GRIP2: variants seen among roughly 807,000 people sequenced by gnomAD.
GRIP2 encodes the protein glutamate receptor interacting protein 2.
GRIP2 carries 58 observed loss-of-function variants against 108.3 expected under a neutral mutation model. That is an observed-to-expected ratio of 0.54 (90% CI 0.43 to 0.67). GRIP2 has a LOEUF of 0.67. Ranked by LOEUF, GRIP2 falls within the 30% of genes least tolerant of loss-of-function variation. GRIP2 has a pLI of 0.00. For synonymous variants in GRIP2, 586 were observed against 598.2 expected (o/e 0.98, Z 0.30); for missense variants, 1,278 against 1,430.6 (o/e 0.89, Z 1.72).
Position 14,522,101 on chromosome 3 carries a change from C to T in GRIP2, c.567-314G>A, listed in dbSNP as rs551266680. 1.9e-5 allele frequency: 6 copies of T among 309,890 alleles called. No individual in the cohort carries two copies. In the Admixed American group the frequency reaches 3.1e-4, roughly 16 times the overall value. The allele number at this position is 309,890 out of a possible 1,614,324, so 19.2% of individuals were successfully genotyped here. A position where few individuals can be genotyped will look rare whatever the true frequency, so the allele number is the denominator to read the frequency against. ...AAATGTCTGAGCTGGGGGTGCTCTT[C>T]AAGCGTCACCCCCAACTCCTGCCTC... On this transcript the variant is annotated intron_variant, in intron 6 of 23. Coordinates refer to ENST00000621039, the MANE Select transcript of GRIP2 (RefSeq NM_001080423.4). This position sits in a 1 kb window ranked among gnomAD's most constrained non-coding sequence, Gnocchi z 4.3.
Position 14,520,162 on chromosome 3 carries a change from C to T in GRIP2, c.978G>A (p.Leu326=), listed in dbSNP as rs372998468. 10 of 1,611,576 alleles carry T rather than the reference C, an allele frequency of 6.2e-6. No individual in the cohort carries two copies. Among genetic ancestry groups the T allele is most frequent in the Non-Finnish European group, 7.6e-6 (9 of 1,179,244 alleles). Residue 326 remains leucine, a synonymous_variant, in exon 9 of 24, where the codon CTG becomes CTA. Transcript: ENST00000621039. ...LLASISEKVR[L]EILPVPQSQR... ...GACTCTGGGGCACAGGCAGGATCTC[C>T]AGCCGCACCTTCTCTGAAATGCTGG...
In GRIP2 at chr3:14,507,114, A is replaced by C; in HGVS notation, c.2219-134T>G. On this transcript the variant is annotated intron_variant, in intron 18 of 23. Coordinates refer to ENST00000621039, the MANE Select transcript of GRIP2 (RefSeq NM_001080423.4). This position sits in a 1 kb window ranked among gnomAD's most constrained non-coding sequence, Gnocchi z 4.6. Reference sequence around the variant, plus strand: ...GCTGACATATGACCATGGCACACTAATAAGCAAACCTGTTTCACAGATGGG... The same window carrying C: ...GCTGACATATGACCATGGCACACTACTAAGCAAACCTGTTTCACAGATGGG... The C allele has an allele frequency of 2.4e-6, 2 of 835,790 alleles. No individual in the cohort carries two copies. Among genetic ancestry groups the C allele is most frequent in the Non-Finnish European group, 3.7e-6 (2 of 538,714 alleles). The allele number at this position is 835,790 out of a possible 1,614,324, so 51.8% of individuals were successfully genotyped here. A position where few individuals can be genotyped will look rare whatever the true frequency, so the allele number is the denominator to read the frequency against.
At chr3:14,539,986 C>G (rs75779179) in intron 1 of GRIP2, among the ~76,000 whole-genome samples, 5,997 of 152,236 alleles carry the variant, frequency 0.039, 188 homozygotes, top group East Asian at 0.16. Flanking sequence ...CAGCCTTCCC[C>G]CTACAAGGCT....
chr3:14,595,321 CT>C, the GRIP2 span, among the ~76,000 whole-genome samples: 2 of 152,138 alleles, frequency 1.3e-5, no homozygotes, highest in Non-Finnish European at 2.9e-5. Context: ...TGCCCAGCGC[CT>C]GGCTGTTATT....
the GRIP2 span, among the ~76,000 whole-genome samples, chr3:14,596,104 G>A: frequency 9.8e-5 from 15 of 152,362 alleles, no homozygotes; most frequent in Admixed American, 7.2e-4. Flanking sequence ...CCTGGCCTTG[G>A]GGTCAGAACT....
Position 14,512,890 on chromosome 3 carries a change from A to C in GRIP2, c.1640-33T>G. On this transcript the variant is annotated intron_variant, in intron 13 of 23. Coordinates refer to ENST00000621039, the MANE Select transcript of GRIP2 (RefSeq NM_001080423.4). This position sits in a 1 kb window ranked among gnomAD's most constrained non-coding sequence, Gnocchi z 5.1. Reference sequence around the variant, plus strand: ...TAGATGGACATAAACCGACGTGAGGACCCAGAGGAGGAGCCTCAGCGAACC... The same window carrying C: ...TAGATGGACATAAACCGACGTGAGGCCCCAGAGGAGGAGCCTCAGCGAACC... 1 of 1,599,602 alleles carries C rather than the reference A, an allele frequency of 6.3e-7. No individual in the cohort carries two copies. Among genetic ancestry groups the C allele is most frequent in the Non-Finnish European group, 8.6e-7 (1 of 1,167,194 alleles).
the GRIP2 span, chr3:14,573,584 G>A: frequency 4.9e-6 from 7 of 1,439,132 alleles, no homozygotes; most frequent in African/African-American, 1.4e-5. Context: ...AGTACTCCCG[G>A]GAGGTGATCT....
In GRIP2 at chr3:14,523,005, G is replaced by C; in HGVS notation, c.561C>G (p.Ala187=). 1 of 1,613,706 alleles carries C rather than the reference G, an allele frequency of 6.2e-7. No homozygotes were observed. The highest frequency in any genetic ancestry group is 8.5e-7 in the Non-Finnish European group (1 of 1,179,728). ...TTTCTTCTGCCTCGGCTCACCTGTC[G>C]GCAGGGCCACCGGGCCGCACGTAGG... ...VLTYVRPGGP[A]DREGSLKVGD... is the part of the protein sequence containing the mutation. The change falls in exon 6 of 24, where the codon GCC becomes GCG. Residue 187 remains alanine (A), a synonymous_variant. Transcript: ENST00000621039.
At chr3:14,496,290 T>C in intron 22 of GRIP2, 127 bp downstream of exon 22, 4 of 740,746 alleles carry the variant, frequency 5.4e-6, no homozygotes, top group Non-Finnish European at 8.5e-6. Context: ...TTTGGAAAAC[T>C]CAACCCAGTT....
chr3:14,581,188 T>C, the GRIP2 span, among the ~76,000 whole-genome samples: 1 of 152,366 alleles, frequency 6.6e-6, no homozygotes, highest in South Asian at 2.1e-4. Context: ...TGTGGAGAAC[T>C]CTGACTAATA....
Position 14,509,984 on chromosome 3 carries a change from T to G in GRIP2, c.1934-20A>C. On this transcript the variant is annotated intron_variant, in intron 16 of 23. Transcript: ENST00000621039. ...GCTCATCTGCAAGCACGGGGACCCA[T>G]GAGGAGGAGGCCCCCGAGGGGGTAC... The G allele has an allele frequency of 6.9e-7, 1 of 1,456,570 alleles. No homozygotes were observed. Among genetic ancestry groups the G allele is most frequent in the Admixed American group, 2.4e-5 (1 of 40,976 alleles). 90.2% of individuals were successfully genotyped at this position (1,456,570 alleles called of 1,614,324 possible). A position where few individuals can be genotyped will look rare whatever the true frequency, so the allele number is the denominator to read the frequency against.
chr3:14,567,263 G>T, the GRIP2 span, among the ~76,000 whole-genome samples: 3 of 148,716 alleles, frequency 2.0e-5, no homozygotes, highest in Non-Finnish European at 4.5e-5. Flanking sequence ...CCTGAGCACT[G>T]GAAAAAATAC....
intron 9 of GRIP2, 21 bp downstream of exon 9, chr3:14,520,089 A>C: frequency 6.4e-7 from 1 of 1,567,914 alleles, no homozygotes; most frequent in South Asian, 1.2e-5. Flanking sequence ...TTGGGCCCTG[A>C]GATCTACTGA....
At chr3:14,538,283 T>C (rs78156006) in intron 1 of GRIP2, among the ~76,000 whole-genome samples, 3 of 152,322 alleles carry the variant, frequency 2.0e-5, no homozygotes, top group African/African-American at 7.2e-5. Context: ...TGACCAGGCC[T>C]GGCCAATCAG....
At chr3:14,547,322 G>A (rs563616337) in intron 1 of GRIP2, among the ~76,000 whole-genome samples, 16 of 152,254 alleles carry the variant, frequency 1.1e-4, no homozygotes, top group South Asian at 8.3e-4. Flanking sequence ...ACACACAGAC[G>A]GAAAGACCTG....
intron 20 of GRIP2, among the ~76,000 whole-genome samples, chr3:14,504,172 TGAGCCTGTTATCATCA>T (rs1258489826): frequency 6.6e-6 from 1 of 152,218 alleles, no homozygotes; most frequent in East Asian, 1.9e-4. Flanking sequence ...ACAGGTTGTA[TGAGCCTGTTATCATCA>T]GTTCCAACAC....
Position 14,525,924 on chromosome 3 carries a change from C to T in GRIP2, c.48G>A (p.Gly16=), listed in dbSNP as rs756320334. ...SRETPGEADD[G]PYSKGGKDAG... is the part of the protein sequence containing the mutation. Reference sequence around the variant, plus strand: ...CGTCCTTGCCTCCTTTGGAGTAGGGCCCATCGTCTGCAGGAGAGAAAGAGG... The same window carrying T: ...CGTCCTTGCCTCCTTTGGAGTAGGGTCCATCGTCTGCAGGAGAGAAAGAGG... Residue 16 remains glycine, a synonymous_variant, in exon 2 of 24, where the codon GGG becomes GGA. Coordinates refer to ENST00000621039, the MANE Select transcript of GRIP2 (RefSeq NM_001080423.4). 6.4e-7 allele frequency: 1 copy of T among 1,557,562 alleles called. No homozygotes were observed. The highest frequency in any genetic ancestry group is 1.2e-5 in the South Asian group (1 of 84,324).
At chr3:14,532,258 C>T (rs568648533) in intron 1 of GRIP2, among the ~76,000 whole-genome samples, 3 of 152,162 alleles carry the variant, frequency 2.0e-5, no homozygotes, top group Non-Finnish European at 4.4e-5. Flanking sequence ...GCCACTTTCC[C>T]CACTCTGCTC....
At chr3:14,590,829 A>G in the GRIP2 span, among the ~76,000 whole-genome samples, 5 of 152,314 alleles carry the variant, frequency 3.3e-5, no homozygotes, top group Admixed American at 3.3e-4. Flanking sequence ...CCCCAGGGGG[A>G]AAGCAAAAAT....
Sources: allele counts gnomAD v4.1 joint callset (sites outside exome capture counted in the v4.1 genomes callset), GRCh38; gene constraint gnomAD v4.1.1; non-coding constraint Gnocchi (gnomAD v3.1); transcripts MANE v1.5; gene names NCBI Gene and HGNC (gene_info 2026-07-23, HGNC 2026-07-21).